Variants in SYDE2 observed in about 807,000 individuals in gnomAD.
SYDE2 encodes the protein rho GTPase-activating protein SYDE2.
SYDE2 carries 76 observed loss-of-function variants against 91.5 expected under a neutral mutation model. The ratio of observed to expected loss-of-function variants is 0.83; its 90% CI spans 0.69 to 1.01. The LOEUF (loss-of-function observed/expected upper bound fraction) is 1.01. Among genes scored for constraint, SYDE2 ranks in the 50% least tolerant of loss-of-function variants. The pLI is 0.00. For synonymous variants in SYDE2, 513 were observed against 506.4 expected (o/e 1.01, Z -0.18); for missense variants, 1,364 against 1,367.7 (o/e 1.00, Z 0.04).
chr1:85,180,603 T>C (rs972984422), intron 3 of SYDE2, among the ~76,000 whole-genome samples: 10 of 151,828 alleles, frequency 6.6e-5, no homozygotes, highest in African/African-American at 1.9e-4. Context: ...TGAGGCAGAA[T>C]TGCTTGAACC....
At chr1:85,176,452 C>G (rs2100662694) in intron 4 of SYDE2, among the ~76,000 whole-genome samples, 1 of 152,244 alleles carries the variant, frequency 6.6e-6, no homozygotes, top group East Asian at 1.9e-4. Context: ...TCATTCAGCA[C>G]TCAAAGGGTG....
chr1:85,168,916 G>GT, intron 5 of SYDE2, 128 bp downstream of exon 5: 2 of 800,182 alleles, frequency 2.5e-6, no homozygotes, highest in Admixed American at 2.6e-5. Context: ...TTTAAAGGCA[G>GT]TAATGGCAGA....
intron 6 of SYDE2, chr1:85,160,524 G>A: frequency 1.0e-6 from 1 of 975,102 alleles, no homozygotes; most frequent in Middle Eastern, 5.3e-4. Context: ...GATCTTTAAT[G>A]TTAGTATTAA....
intron 4 of SYDE2, among the ~76,000 whole-genome samples, chr1:85,175,059 A>G (rs561102845): frequency 5.5e-4 from 84 of 152,338 alleles, no homozygotes; most frequent in Admixed American, 2.0e-3. Flanking sequence ...TACTGAACCT[A>G]GATACTGATT....
rs1657776929 is a variant in SYDE2 at position 85,178,171 on chromosome 1, C to CTGG, written c.2643_2645dup (p.Asn881_Gln882insHis). 6.3e-7 allele frequency: 1 copy of CTGG among 1,580,684 alleles called. No homozygotes were observed. Among genetic ancestry groups the CTGG allele is most frequent in the African/African-American group, 1.4e-5 (1 of 74,070 alleles). On this transcript the variant is annotated inframe_insertion, in exon 4 of 7. Transcript: ENST00000341460. ...CTGTTATTACATTTATATCTGGGTA[C>CTGG]TGGTTTTCACACAGACCAACAGCTT... is the stretch of plus-strand genomic sequence containing the variant.
chr1:85,171,915 G>A (rs140094575), intron 4 of SYDE2, among the ~76,000 whole-genome samples: 1 of 152,252 alleles, frequency 6.6e-6, no homozygotes, highest in Non-Finnish European at 1.5e-5. Flanking sequence ...CCACAGAGAA[G>A]AGGGGAGGGC....
downstream of SYDE2, among the ~76,000 whole-genome samples, chr1:85,155,562 C>T (rs919585385): frequency 3.3e-5 from 5 of 152,106 alleles, no homozygotes; most frequent in African/African-American, 4.8e-5. Context: ...GACCCAATTA[C>T]GTAGCAAATG....
In SYDE2 at chr1:85,200,441, C is replaced by A; in HGVS notation, c.556G>T (p.Val186Leu). ...CACTTCTGCAGCTTCTTGACTGTCA[C>A]TGCCGGCGGCCTGAGGAAGGAGGGG... Reference protein sequence around the residue: ...EGPSFLRPPAVTVKKLQKWMY... With the variant: ...EGPSFLRPPALTVKKLQKWMY... Residue 186 changes from valine to leucine, a missense_variant, in exon 1 of 7, where the codon GTG becomes TTG. Transcript: ENST00000341460. The A allele has an allele frequency of 6.2e-7, 1 of 1,613,998 alleles. No individual in the cohort carries two copies. The highest frequency in any genetic ancestry group is 1.1e-5 in the South Asian group (1 of 91,092).
intron 4 of SYDE2, among the ~76,000 whole-genome samples, chr1:85,171,781 T>G (rs1428677684): frequency 6.6e-6 from 1 of 152,066 alleles, no homozygotes; most frequent in African/African-American, 2.4e-5. Context: ...AAGCACAGTT[T>G]CAGGAAAATA....
chr1:85,176,737 G>A (rs939321128), intron 4 of SYDE2, among the ~76,000 whole-genome samples: 5 of 152,064 alleles, frequency 3.3e-5, no homozygotes, highest in Admixed American at 2.6e-4. Context: ...GAAAGGATAC[G>A]TCTGAGATTT....
At chr1:85,196,357 T>G (rs1320061350) in intron 1 of SYDE2, among the ~76,000 whole-genome samples, 3 of 152,106 alleles carry the variant, frequency 2.0e-5, no homozygotes, top group African/African-American at 7.2e-5. Flanking sequence ...AATCTGCATT[T>G]CAACAAAATT....
intron 5 of SYDE2, among the ~76,000 whole-genome samples, chr1:85,166,272 G>C (rs1165653364): frequency 6.6e-6 from 1 of 151,494 alleles, no homozygotes; most frequent in Non-Finnish European, 1.5e-5. Context: ...CTGGGAGGCA[G>C]AGGTTTCAGT....
Position 85,182,280 on chromosome 1 carries a change from T to G in SYDE2, c.2362A>C (p.Ile788Leu), listed in dbSNP as rs748812162. The G allele has an allele frequency of 2.1e-5, 34 of 1,613,312 alleles. No individual in the cohort carries two copies. Among genetic ancestry groups the G allele is most frequent in the Non-Finnish European group, 2.8e-5 (33 of 1,179,732 alleles). ...TCCATAAGAGTCACTTTCACATAAA[T>G]AAGACCTCTAGGTTCAAGTTTGACA... is the stretch of plus-strand genomic sequence containing the variant. ...LAVKLEPRGL[I>L]YVKVTLMEQW... Residue 788 changes from isoleucine (I) to leucine (L), a missense_variant, in exon 3 of 7, where the codon ATT becomes CTT. Coordinates refer to ENST00000341460, the MANE Select transcript of SYDE2 (RefSeq NM_032184.2).
At chr1:85,159,397 AT>A (rs756663325) in intron 6 of SYDE2, 148 bp from the exon 7 acceptor site, 20 of 625,480 alleles carry the variant, frequency 3.2e-5, no homozygotes, top group Non-Finnish European at 4.5e-5. Flanking sequence ...GCATTCCATA[AT>A]TATTTTTTAT....
chr1:85,194,026 TATAG>T (rs950215226), intron 1 of SYDE2, among the ~76,000 whole-genome samples: 3 of 152,166 alleles, frequency 2.0e-5, no homozygotes, highest in African/African-American at 7.2e-5. Context: ...ACTTTAAACT[TATAG>T]ATAAATGGCA....
chr1:85,186,888 G>A (rs371951621), intron 2 of SYDE2, among the ~76,000 whole-genome samples: 5 of 150,518 alleles, frequency 3.3e-5, no homozygotes, highest in South Asian at 2.1e-4. Flanking sequence ...AGACTTAAAC[G>A]TTAGACCTAA....
chr1:85,182,240 G>T lies in SYDE2; in HGVS notation c.2402C>A (p.Ser801Tyr), dbSNP rs1431772731. The T allele has an allele frequency of 1.2e-6, 2 of 1,609,994 alleles. No individual in the cohort carries two copies. Among genetic ancestry groups the T allele is most frequent in the African/African-American group, 2.7e-5 (2 of 74,602 alleles). ...KVTLMEQWENSLHGLDINQEP... is the reference protein window; with the variant it reads ...KVTLMEQWENYLHGLDINQEP... ...TTGGTTTATATCTAGTCCATGAAGA[G>T]AATTCTCCCACTGTTCCATAAGAGT... Residue 801 changes from serine (S) to tyrosine (Y), a missense_variant, in exon 3 of 7, where the codon TCT becomes TAT. Coordinates refer to ENST00000341460, the MANE Select transcript of SYDE2 (RefSeq NM_032184.2).
At chr1:85,154,946 A>G (rs899685347), downstream of SYDE2, among the ~76,000 whole-genome samples, 14 of 151,316 alleles carry the variant, frequency 9.3e-5, no homozygotes, top group African/African-American at 2.7e-4. Flanking sequence ...TTTCTGGGGG[A>G]AAAAAAGGCA....
At chr1:85,176,363 G>C (rs1271021884) in intron 4 of SYDE2, among the ~76,000 whole-genome samples, 1 of 151,996 alleles carries the variant, frequency 6.6e-6, no homozygotes, top group African/African-American at 2.4e-5. Context: ...GTGACAGTTT[G>C]TTTTATCTTA....
Sources: gnomAD v4.1 joint callset for allele counts (sites outside exome capture counted in the v4.1 genomes callset) on GRCh38, gnomAD v4.1.1 for gene constraint, MANE v1.5 for transcripts, NCBI Gene and HGNC (gene_info 2026-07-23, HGNC 2026-07-21) for gene names.